LRPAP1: variants seen among roughly 807,000 people sequenced by gnomAD.
LRPAP1 encodes LDL receptor related protein associated protein 1, also known as alpha-2-macroglobulin receptor-associated protein.
LRPAP1 carries 41 observed loss-of-function variants against 39.9 expected under a neutral mutation model. The observed-to-expected ratio is 1.03, with a 90% CI of 0.80 to 1.33. The LOEUF is 1.33. Ranked by LOEUF, LRPAP1 falls within the 40% of genes most tolerant of loss-of-function variation. The probability of loss-of-function intolerance (pLI) is 0.00; values close to 1 mark genes in which losing one functional copy is unlikely to be tolerated. For missense variants in LRPAP1, 565 were observed against 482.3 expected (o/e 1.17, Z -1.61); for synonymous variants, 263 against 212.7 (o/e 1.24, Z -2.06).
At chr4:3,529,254 C>T (rs542595599) in intron 1 of LRPAP1, among the ~76,000 whole-genome samples, 15 of 151,998 alleles carry the variant, frequency 9.9e-5, no homozygotes, top group African/African-American at 3.1e-4. Context: ...ACCTGGGAGG[C>T]GGAGGTTGCA....
rs866788730 is a variant in LRPAP1, at chr4:3,514,898, C to T, written c.865G>A (p.Glu289Lys). The T allele has an allele frequency of 6.2e-6, 10 of 1,613,718 alleles. No individual in the cohort carries two copies. The highest frequency in any genetic ancestry group is 2.2e-5 in the East Asian group (1 of 44,892). The change falls in exon 7 of 8, where the codon GAG becomes AAG. Residue 289 changes from glutamate to lysine, a missense_variant. By Grantham distance (56) the Glu-to-Lys change is moderately conservative. Transcript: ENST00000650182. ...EELKHFEAKIEKHNHYQKQLE... is the reference protein window; with the variant it reads ...EELKHFEAKIKKHNHYQKQLE... ...TGCTTCTGGTAGTGGTTGTGCTTCT[C>T]GATTTTGGCTTCGAAGTGCTTGAGC...
chr4:3,521,850 T>C (rs1327750618), intron 2 of LRPAP1, among the ~76,000 whole-genome samples: 1 of 152,150 alleles, frequency 6.6e-6, no homozygotes, highest in African/African-American at 2.4e-5. Context: ...AAATAACTAT[T>C]TTAGGCCGGG....
intron 2 of LRPAP1, 139 bp from the exon 3 acceptor site, chr4:3,520,332 G>T: frequency 1.2e-6 from 1 of 808,952 alleles, no homozygotes; most frequent in Non-Finnish European, 2.0e-6. Context: ...TTTCCTGGAT[G>T]ACCACTGGAG....
chr4:3,526,225 C>T (rs1730075420), intron 1 of LRPAP1, among the ~76,000 whole-genome samples: 1 of 151,846 alleles, frequency 6.6e-6, no homozygotes, highest in Non-Finnish European at 1.5e-5. Flanking sequence ...CAGGAGGGTC[C>T]CCTTCCCTGA....
At chr4:3,531,932 G>C in intron 1 of LRPAP1, 1 of 531,324 alleles carries the variant, frequency 1.9e-6, no homozygotes, top group Non-Finnish European at 3.3e-6. Flanking sequence ...GGGTCAGCAG[G>C]CCGCCCAGGC....
At chr4:3,530,111 G>T (rs959489405) in intron 1 of LRPAP1, among the ~76,000 whole-genome samples, 1 of 152,146 alleles carries the variant, frequency 6.6e-6, no homozygotes, top group African/African-American at 2.4e-5. Flanking sequence ...CTATTTGCAC[G>T]AACAATTCTC....
In LRPAP1 at chr4:3,516,104, G is replaced by A. The variant is rs201809218; in HGVS notation, c.834+12C>T. The A allele has an allele frequency of 4.1e-5, 64 of 1,563,984 alleles. No individual in the cohort carries two copies. Among genetic ancestry groups the A allele is most frequent in the South Asian group, 9.4e-5 (8 of 85,020 alleles). On this transcript the variant is annotated intron_variant, in intron 6 of 7. Transcript: ENST00000650182. ...AGGAGAGAGCTAGAAGGAGAGGGCCGTGTTTCCTTACCCGGAACGCCTCCA... is the reference window on the plus strand; with the variant it reads ...AGGAGAGAGCTAGAAGGAGAGGGCCATGTTTCCTTACCCGGAACGCCTCCA...
Position 3,532,322 on chromosome 4 carries a change from G to A in LRPAP1, c.91C>T (p.His31Tyr), listed in dbSNP as rs1285938401. Reference protein sequence around the residue: ...LFLGPWPAASHGGKYSREKNQ... With the variant: ...LFLGPWPAASYGGKYSREKNQ... ...TTCTCCCGCGAGTACTTGCCGCCGT[G>A]GCTCGCAGCGGGCCAGGGCCCGAGG... The change falls in exon 1 of 8, where the codon CAC becomes TAC. Residue 31 changes from histidine (H) to tyrosine (Y), a missense_variant. His to Tyr is a moderately conservative substitution (Grantham distance 83). Transcript: ENST00000650182. 7.6e-6 allele frequency: 12 copies of A among 1,584,206 alleles called. No individual in the cohort carries two copies. In the East Asian group the frequency reaches 2.8e-4, roughly 36 times the overall value.
chr4:3,512,054 C>T lies in LRPAP1; in HGVS notation c.*920G>A, dbSNP rs7436998. 1 of 121,752 alleles carries T rather than the reference C, an allele frequency of 8.2e-6. No individual in the cohort carries two copies. The highest frequency in any genetic ancestry group is 3.2e-5 in the African/African-American group (1 of 31,344). 7.5% of individuals were successfully genotyped at this position (121,752 alleles called of 1,614,324 possible). A position where few individuals can be genotyped will look rare whatever the true frequency, so the allele number is the denominator to read the frequency against. Reference sequence around the variant, plus strand: ...TCAGACACGGGAAGGGAACCACGCTCGGAGCCGGACCCGAGCCTCTTCCAG... The same window carrying T: ...TCAGACACGGGAAGGGAACCACGCTTGGAGCCGGACCCGAGCCTCTTCCAG... On this transcript the variant is annotated 3_prime_UTR_variant, in exon 8 of 8. Coordinates refer to ENST00000650182, the MANE Select transcript of LRPAP1 (RefSeq NM_002337.4).
intron 1 of LRPAP1, among the ~76,000 whole-genome samples, chr4:3,530,440 C>G (rs1039658816): frequency 2.0e-5 from 3 of 152,224 alleles, no homozygotes; most frequent in Non-Finnish European, 4.4e-5. Context: ...CACCCTCACC[C>G]CCGAAGAACT....
At position 3,504,190 on chromosome 4, in the gene LRPAP1, G is replaced by C. The variant is rs987895956; in HGVS notation, c.*8784C>G. On this transcript the variant is annotated 3_prime_UTR_variant, in exon 8 of 8. Coordinates refer to ENST00000650182, the MANE Select transcript of LRPAP1 (RefSeq NM_002337.4). ...AAGATCTGGCCTGCGGCCCTTCAGG[G>C]GTCAGCATGACTTGTGTGGGTCAGA... 2.0e-5 allele frequency: 3 copies of C among 152,302 alleles called. No individual in the cohort carries two copies. Among genetic ancestry groups the C allele is most frequent in the African/African-American group, 7.2e-5 (3 of 41,464 alleles). 9.4% of individuals were successfully genotyped at this position (152,302 alleles called of 1,614,324 possible).
rs114595827 is a variant in LRPAP1, at chr4:3,530,563, C to T, written c.204+1646G>A. Among the ~76,000 whole-genome samples the T allele has an allele frequency of 9.9e-3, 1,508 of 152,330 alleles. 28 individuals carry two copies. Among genetic ancestry groups the T allele is most frequent in the African/African-American group, 0.034 (1,434 of 41,570 alleles). ...CAGTCCAAAGTGGAGGTGAGCAGCT[C>T]GCCCTACCATGGTGCCCAGTGAACC... On this transcript the variant is annotated intron_variant, in intron 1 of 7. Transcript: ENST00000650182.
At chr4:3,523,027 G>C (rs188319449) in intron 2 of LRPAP1, among the ~76,000 whole-genome samples, 2 of 152,152 alleles carry the variant, frequency 1.3e-5, no homozygotes, top group Non-Finnish European at 2.9e-5. Flanking sequence ...TGTGGGCAGG[G>C]TCTGCTTCTG....
rs1489074691 is a variant in LRPAP1 at position 3,508,308 on chromosome 4, A to AT, written c.*4665dup. On this transcript the variant is annotated 3_prime_UTR_variant, in exon 8 of 8. Transcript: ENST00000650182. ...AGCGTGAGCCACCATGCCAGGCCTCATGTCTATTTTTAAAAATCAAGTTCT... is the reference window on the plus strand; with the variant it reads ...AGCGTGAGCCACCATGCCAGGCCTCATTGTCTATTTTTAAAAATCAAGTTCT... The AT allele has an allele frequency of 2.0e-5, 3 of 152,214 alleles. No individual in the cohort carries two copies. Among genetic ancestry groups the AT allele is most frequent in the Non-Finnish European group, 4.4e-5 (3 of 68,034 alleles). 9.4% of individuals were successfully genotyped at this position (152,214 alleles called of 1,614,324 possible). A position where few individuals can be genotyped will look rare whatever the true frequency, so the allele number is the denominator to read the frequency against.
intron 2 of LRPAP1, among the ~76,000 whole-genome samples, chr4:3,523,982 T>C (rs924338140): frequency 1.6e-4 from 24 of 151,906 alleles, no homozygotes; most frequent in South Asian, 1.5e-3. Context: ...GGGGAGGGGA[T>C]TGGGGAAGGG....
chr4:3,519,995 T>C, intron 3 of LRPAP1, 77 bp downstream of exon 3: 2 of 1,556,772 alleles, frequency 1.3e-6, no homozygotes, highest in Non-Finnish European at 1.8e-6. Flanking sequence ...GAGCAGAGAC[T>C]GCCCCTCACA....
intron 2 of LRPAP1, among the ~76,000 whole-genome samples, chr4:3,522,260 G>C (rs1335584886): frequency 1.3e-5 from 2 of 152,246 alleles, no homozygotes; most frequent in Non-Finnish European, 2.9e-5. Flanking sequence ...TCTGAGGCTA[G>C]CCTGGCTCAA....
rs776267175 is a variant in LRPAP1 at position 3,506,188 on chromosome 4, G to A, written c.*6786C>T. Reference sequence around the variant, plus strand: ...AGTGATTCTCGTGCCTTAGGCTCCCGAGTAGCTGGGATTATAGGCAGATGC... The same window carrying A: ...AGTGATTCTCGTGCCTTAGGCTCCCAAGTAGCTGGGATTATAGGCAGATGC... On this transcript the variant is annotated 3_prime_UTR_variant, in exon 8 of 8. Transcript: ENST00000650182. Among the ~76,000 whole-genome samples the A allele has an allele frequency of 2.0e-5, 3 of 151,666 alleles. No homozygotes were observed. The highest frequency in any genetic ancestry group is 4.4e-5 in the Non-Finnish European group (3 of 67,974).
chr4:3,532,390 G>A lies in LRPAP1; in HGVS notation c.23C>T (p.Ser8Leu), dbSNP rs761639938. 2.4e-5 allele frequency: 38 copies of A among 1,586,806 alleles called. No individual in the cohort carries two copies. Among genetic ancestry groups the A allele is most frequent in the East Asian group, 4.6e-5 (2 of 43,738 alleles). Reference protein sequence around the residue: MAPRRVRSFLRGLPALLL... With the variant: MAPRRVRLFLRGLPALLL... ...CAGCGCCGGGAGCCCGCGCAGAAAC[G>A]ACCTGACCCTCCGCGGCGCCATCTT... is the stretch of plus-strand genomic sequence containing the variant. Residue 8 changes from serine (S) to leucine (L), a missense_variant, in exon 1 of 8, where the codon TCG becomes TTG. Coordinates refer to ENST00000650182, the MANE Select transcript of LRPAP1 (RefSeq NM_002337.4).
Sources: allele counts gnomAD v4.1 joint callset (sites outside exome capture counted in the v4.1 genomes callset), GRCh38; gene constraint gnomAD v4.1.1; transcripts MANE v1.5; gene names NCBI Gene and HGNC (gene_info 2026-07-23, HGNC 2026-07-21).